The following ZNF155 variants were observed in gnomAD, a reference collection of about 807,000 sequenced individuals.
ZNF155 encodes zinc finger protein 155, also known as KRAB A domain.
ZNF155 carries 15 observed loss-of-function variants against 11.9 expected under a neutral mutation model. The ratio of observed to expected loss-of-function variants is 1.26; its 90% CI spans 0.84 to 1.94. The LOEUF (loss-of-function observed/expected upper bound fraction) is 1.94. Among genes scored for constraint, ZNF155 ranks in the 30% most tolerant of loss-of-function variants. The pLI is 0.00. For missense variants in ZNF155, 602 were observed against 639.1 expected, an observed-to-expected ratio of 0.94 and a Z score of 0.63; for synonymous variants, 212 against 219.9, an observed-to-expected ratio of 0.96 and a Z score of 0.32.
chr19:43,992,746 C>T (rs1023718491), intron 4 of ZNF155, among the ~76,000 whole-genome samples: 6 of 152,230 alleles, frequency 3.9e-5, no homozygotes, highest in Non-Finnish European at 7.3e-5. Context: ...TGGCGTCTGC[C>T]GTTTTAATCC....
At position 43,985,552 on chromosome 19, in the gene ZNF155, T is replaced by C. The variant is rs1975410945; in HGVS notation, c.-86+1307T>C. On this transcript the variant is annotated intron_variant, in intron 1 of 4. Transcript: ENST00000270014. ...CTTTTTCTTTTTTTTTTTTTTTTTT[T>C]TTTCCTGAGACGGAGTCTCGCTCTG... 5.4e-5 allele frequency among the ~76,000 whole-genome samples: 8 copies of C among 148,566 alleles called. No individual in the cohort carries two copies. In the South Asian group the frequency reaches 1.7e-3, roughly 32 times the overall value.
intron 2 of ZNF155, chr19:43,990,046 T>G: frequency 6.6e-7 from 1 of 1,511,836 alleles, no homozygotes; most frequent in Non-Finnish European, 8.8e-7. Flanking sequence ...GTGGGAATAC[T>G]TATAACCTGC....
chr19:43,996,161 C>A lies in ZNF155; in HGVS notation c.304C>A (p.Gln102Lys), dbSNP rs754049562. The A allele has an allele frequency of 1.2e-6, 2 of 1,614,016 alleles. No individual in the cohort carries two copies. Among genetic ancestry groups the A allele is most frequent in the South Asian group, 2.2e-5 (2 of 91,060 alleles). The change falls in exon 5 of 5, where the codon CAA (glutamine) becomes AAA (lysine). Residue 102 changes from glutamine to lysine, a missense_variant. Gln to Lys is a moderately conservative substitution (Grantham distance 53). Coordinates refer to ENST00000270014, the MANE Select transcript of ZNF155 (RefSeq NM_198089.3). Reference sequence around the variant, plus strand: ...AGCACATGAAGAGTGGTCCTGCCAGCAAATCTGGGAACAAATTGCAAAAGA... The same window carrying A: ...AGCACATGAAGAGTGGTCCTGCCAGAAAATCTGGGAACAAATTGCAAAAGA... ...AGAHEEWSCQQIWEQIAKDLT... is the reference protein window; with the variant it reads ...AGAHEEWSCQKIWEQIAKDLT...
chr19:43,997,584 T>A lies in ZNF155; in HGVS notation c.*110T>A, dbSNP rs1312967319. ...GTTACCTCAAACATTTACCATTTCT[T>A]TGTGTTGGAAAATTCAAAATCCATT... On this transcript the variant is annotated 3_prime_UTR_variant, in exon 5 of 5. Coordinates refer to ENST00000270014, the MANE Select transcript of ZNF155 (RefSeq NM_198089.3). 2 of 1,073,018 alleles carry A rather than the reference T, an allele frequency of 1.9e-6. No individual in the cohort carries two copies. Among genetic ancestry groups the A allele is most frequent in the Non-Finnish European group, 2.6e-6 (2 of 776,368 alleles). The allele number at this position is 1,073,018 out of a possible 1,614,324, so 66.5% of individuals were successfully genotyped here. A position where few individuals can be genotyped will look rare whatever the true frequency, so the allele number is the denominator to read the frequency against.
chr19:43,991,525 G>T, intron 2 of ZNF155, 23 bp from the exon 3 acceptor site: 1 of 1,614,024 alleles, frequency 6.2e-7, no homozygotes, highest in Non-Finnish European at 8.5e-7. Flanking sequence ...TAAGATTGAA[G>T]TTATGTCTTC....
Position 43,996,361 on chromosome 19 carries a change from G to C in ZNF155, c.504G>C (p.Gln168His). Residue 168 changes from glutamine (Q) to histidine (H), a missense_variant, in exon 5 of 5, where the codon CAG becomes CAC. Coordinates refer to ENST00000270014, the MANE Select transcript of ZNF155 (RefSeq NM_198089.3). ...SDVPIFDLPQ[Q>H]LYSEEKSYTC... is the part of the protein sequence containing the mutation. ...TTCCCATCTTTGATCTTCCTCAGCAGTTATACTCAGAAGAGAAGTCTTATA... is the reference window on the plus strand; with the variant it reads ...TTCCCATCTTTGATCTTCCTCAGCACTTATACTCAGAAGAGAAGTCTTATA... 6.2e-7 allele frequency: 1 copy of C among 1,614,188 alleles called. No homozygotes were observed. Among genetic ancestry groups the C allele is most frequent in the Non-Finnish European group, 8.5e-7 (1 of 1,180,030 alleles).
chr19:43,986,447 G>GTTT (rs1470848913), intron 1 of ZNF155, among the ~76,000 whole-genome samples: 5,774 of 142,134 alleles, frequency 0.041, 440 homozygotes, highest in African/African-American at 0.14. Flanking sequence ...ATTCCCATTT[G>GTTT]TGTTTTTTTT....
chr19:43,988,152 TCTGGAGCAAC>T (rs1203098526), intron 1 of ZNF155, among the ~76,000 whole-genome samples: 2 of 152,188 alleles, frequency 1.3e-5, no homozygotes, highest in East Asian at 3.8e-4. Context: ...TCACCTCAAA[TCTGGAGCAAC>T]CACTAACTTA....
chr19:43,993,170 G>A (rs963135938), intron 4 of ZNF155, among the ~76,000 whole-genome samples: 4 of 152,168 alleles, frequency 2.6e-5, no homozygotes, highest in Non-Finnish European at 4.4e-5. Context: ...TCATGTAGCT[G>A]AACATTTACT....
chr19:43,993,120 C>T (rs1348501058), intron 4 of ZNF155, among the ~76,000 whole-genome samples: 2 of 152,190 alleles, frequency 1.3e-5, no homozygotes, highest in East Asian at 1.9e-4. Context: ...CTTCCTCCTT[C>T]GTACTAGAAG....
chr19:43,985,604 G>C (rs1338084778), intron 1 of ZNF155, among the ~76,000 whole-genome samples: 1 of 148,928 alleles, frequency 6.7e-6, no homozygotes, highest in Non-Finnish European at 1.5e-5. Flanking sequence ...GCAGTGGCGC[G>C]ATCTGGGCTC....
intron 1 of ZNF155, among the ~76,000 whole-genome samples, chr19:43,986,961 T>G (rs544628068): frequency 2.9e-4 from 44 of 152,300 alleles, no homozygotes; most frequent in African/African-American, 1.1e-3. Context: ...CAGAGACGAT[T>G]GTAGATTTCT....
chr19:43,986,792 C>T lies in ZNF155; in HGVS notation c.-85-1667C>T, dbSNP rs1315921063. 4.6e-5 allele frequency among the ~76,000 whole-genome samples: 7 copies of T among 152,196 alleles called. No individual in the cohort carries two copies. The East Asian group carries it at 1.4e-3, about 29-fold the overall frequency. On this transcript the variant is annotated intron_variant, in intron 1 of 4. Coordinates refer to ENST00000270014, the MANE Select transcript of ZNF155 (RefSeq NM_198089.3). ...ATGACTATTTCCTGATAGTTGAAAA[C>T]CTTTCATTTTTATATCATTTCAAAG...
Position 43,997,284 on chromosome 19 carries a change from G to A in ZNF155, c.1427G>A (p.Arg476Lys). ...SRASSILNHKRLHCQKKPFKC... is the reference protein window; with the variant it reads ...SRASSILNHKKLHCQKKPFKC... Reference sequence around the variant, plus strand: ...GCCTCAAGTATTTTGAATCATAAGAGACTCCACTGCCAGAAAAAACCATTC... The same window carrying A: ...GCCTCAAGTATTTTGAATCATAAGAAACTCCACTGCCAGAAAAAACCATTC... Residue 476 changes from arginine to lysine, a missense_variant, in exon 5 of 5, where the codon AGA becomes AAA. Physicochemically the swap from Arg to Lys is conservative, Grantham distance 26. Transcript: ENST00000270014. 6.2e-7 allele frequency: 1 copy of A among 1,614,084 alleles called. No homozygotes were observed. Among genetic ancestry groups the A allele is most frequent in the East Asian group, 2.2e-5 (1 of 44,868 alleles).
chr19:43,994,878 C>G (rs1340960723), intron 4 of ZNF155, among the ~76,000 whole-genome samples: 1 of 152,334 alleles, frequency 6.6e-6, no homozygotes. Context: ...AAAGCTCCAC[C>G]TTAAATCACA....
rs768200794 is a variant in ZNF155, at chr19:43,996,120, C to T, written c.263C>T (p.Ser88Phe). 5 of 1,610,234 alleles carry T rather than the reference C, an allele frequency of 3.1e-6. No homozygotes were observed. The highest frequency in any genetic ancestry group is 3.4e-6 in the Non-Finnish European group (4 of 1,177,722). Residue 88 changes from serine (S) to phenylalanine (F), a missense_variant, in exon 5 of 5, where the codon TCT becomes TTT. Coordinates refer to ENST00000270014, the MANE Select transcript of ZNF155 (RefSeq NM_198089.3). Reference sequence around the variant, plus strand: ...GGCAAGATCCAAACTGAGTTGGAGTCTGTTCCAGAAGCAGGAGCACATGAA... The same window carrying T: ...GGCAAGATCCAAACTGAGTTGGAGTTTGTTCCAGAAGCAGGAGCACATGAA... ...SGGKIQTELE[S>F]VPEAGAHEEW...
At chr19:43,991,966 C>G (rs1053413527) in intron 4 of ZNF155, 32 bp downstream of exon 4, 4 of 1,585,092 alleles carry the variant, frequency 2.5e-6, no homozygotes, top group South Asian at 1.1e-5. Flanking sequence ...GTCCTTGTAC[C>G]TGACTCTCCC....
Position 43,989,922 on chromosome 19 carries a change from T to C in ZNF155, c.15+1364T>C, listed in dbSNP as rs781772082. ...GGAACAAAGGACACTAAAAGGCCAA[T>C]GTAAAAGGAGAAGTAGAGATGGCCA... On this transcript the variant is annotated intron_variant, in intron 2 of 4. Coordinates refer to ENST00000270014, the MANE Select transcript of ZNF155 (RefSeq NM_198089.3). 701 of 656,900 alleles carry C rather than the reference T, an allele frequency of 1.1e-3. 9 individuals carry two copies. The Middle Eastern group carries it at 0.017, about 16-fold the overall frequency. 40.7% of individuals were successfully genotyped at this position (656,900 alleles called of 1,614,324 possible).
chr19:43,994,914 G>A (rs1339421930), intron 4 of ZNF155, among the ~76,000 whole-genome samples: 1 of 152,146 alleles, frequency 6.6e-6, no homozygotes, highest in African/African-American at 2.4e-5. Flanking sequence ...ATGGAGAGGA[G>A]CATCTCCCAC....
Sources: allele counts gnomAD v4.1 joint callset (sites outside exome capture counted in the v4.1 genomes callset), GRCh38; gene constraint gnomAD v4.1.1; transcripts MANE v1.5; gene names NCBI Gene and HGNC (gene_info 2026-07-23, HGNC 2026-07-21).